The following ASTN2 variants were observed in gnomAD, a reference collection of about 807,000 sequenced individuals.
ASTN2 encodes the protein astrotactin-2.
In ASTN2, 54 loss-of-function variants were observed where a neutral mutation model predicts 139.8. The observed-to-expected ratio is 0.39, with a 90% CI of 0.31 to 0.48. The LOEUF (loss-of-function observed/expected upper bound fraction) is 0.48. Ranked by LOEUF, ASTN2 falls within the 20% of genes least tolerant of loss-of-function variation. The pLI, the probability that ASTN2 is intolerant of heterozygous loss-of-function variation, is 0.95. For synonymous variants in ASTN2, 756 were observed against 719.5 expected (o/e 1.05, Z -0.81); for missense variants, 1,565 against 1,725.1 (o/e 0.91, Z 1.64).
chr9:117,042,517 G>A (rs117444459), intron 5 of ASTN2, among the ~76,000 whole-genome samples: 2 of 152,054 alleles, frequency 1.3e-5, no homozygotes, highest in Admixed American at 6.5e-5. Flanking sequence ...ACATAAAAAG[G>A]TGATTCCAGT....
intron 19 of ASTN2, among the ~76,000 whole-genome samples, chr9:116,524,617 C>T (rs1462269430): frequency 6.6e-6 from 1 of 152,206 alleles, no homozygotes; most frequent in Non-Finnish European, 1.5e-5. Flanking sequence ...CATAAAAACT[C>T]GTACTCCCTT....
chr9:117,119,150 C>T (rs556577588), intron 4 of ASTN2, among the ~76,000 whole-genome samples: 20 of 152,202 alleles, frequency 1.3e-4, no homozygotes, highest in Non-Finnish European at 2.5e-4. Context: ...TAAAGCTAAA[C>T]AGTAGAAAGA....
At chr9:117,271,004 C>T (rs544301174) in intron 2 of ASTN2, among the ~76,000 whole-genome samples, 54 of 152,304 alleles carry the variant, frequency 3.5e-4, no homozygotes, top group African/African-American at 1.1e-3. Flanking sequence ...TGGACACTCA[C>T]GGCATTTTAT....
At chr9:117,298,702 ATGTGTG>A (rs60775898) in intron 1 of ASTN2, among the ~76,000 whole-genome samples, 49,773 of 135,826 alleles carry the variant, frequency 0.37, 10,231 homozygotes, top group East Asian at 0.54. Flanking sequence ...GTGCATATGT[ATGTGTG>A]TGTGTGTGTG....
intron 17 of ASTN2, among the ~76,000 whole-genome samples, chr9:116,633,858 G>A (rs1408518154): frequency 6.6e-6 from 1 of 152,174 alleles, no homozygotes; most frequent in Non-Finnish European, 1.5e-5. Flanking sequence ...CTTTGATAGG[G>A]AGCCTTTTAA....
chr9:116,803,806 G>A (rs1175816114), intron 13 of ASTN2, among the ~76,000 whole-genome samples: 1 of 151,216 alleles, frequency 6.6e-6, no homozygotes, highest in Non-Finnish European at 1.5e-5. Context: ...TTACAGGTGT[G>A]AGCCACCACA....
At chr9:117,215,031 A>T (rs1272439803) in intron 2 of ASTN2, among the ~76,000 whole-genome samples, 1 of 152,202 alleles carries the variant, frequency 6.6e-6, no homozygotes, top group Non-Finnish European at 1.5e-5. Context: ...CAAGGTTGCC[A>T]TAGGAAGCAA....
rs1554717058 is a variant in ASTN2, at chr9:117,298,675, T to TATATATATATATGTGC, written c.443-7163_443-7162insGCACATATATATATAT. On this transcript the variant is annotated intron_variant, in intron 1 of 22. Transcript: ENST00000313400. ...GTGTGTGTATATATATATGTGTATATATATATATATATATATGTGCATATG... is the reference window on the plus strand; with the variant it reads ...GTGTGTGTATATATATATGTGTATATATATATATATATGTGCATATATATATATATATGTGCATATG... Among the ~76,000 whole-genome samples the TATATATATATATGTGC allele has an allele frequency of 9.2e-5, 12 of 130,614 alleles. No homozygotes were observed. In the South Asian group the frequency reaches 2.9e-3, roughly 31 times the overall value. The allele number at this position is 130,614 out of a possible 152,430, so 85.7% of individuals were successfully genotyped here.
At chr9:116,974,965 A>C (rs781319717) in intron 10 of ASTN2, among the ~76,000 whole-genome samples, 2 of 152,220 alleles carry the variant, frequency 1.3e-5, no homozygotes, top group African/African-American at 2.4e-5. Context: ...GAGCTAGATA[A>C]TGCATCAGCC....
At chr9:117,109,142 C>G (rs1487669323) in intron 4 of ASTN2, among the ~76,000 whole-genome samples, 1 of 148,116 alleles carries the variant, frequency 6.8e-6, no homozygotes, top group African/African-American at 2.5e-5. Flanking sequence ...ATTAGCTGGG[C>G]GTGGAGATAC....
chr9:117,016,147 T>A (rs1014791567), intron 6 of ASTN2, among the ~76,000 whole-genome samples: 4 of 152,092 alleles, frequency 2.6e-5, no homozygotes, highest in Non-Finnish European at 1.5e-5. Flanking sequence ...GAATGTATGT[T>A]ATAATCAGAC....
At chr9:117,366,360 C>G (rs912066522) in intron 1 of ASTN2, among the ~76,000 whole-genome samples, 1 of 152,074 alleles carries the variant, frequency 6.6e-6, no homozygotes, top group Admixed American at 6.6e-5. Context: ...CTATTCTCTC[C>G]TTTGATGCTC....
chr9:117,016,455 G>T (rs1281276642), intron 6 of ASTN2, among the ~76,000 whole-genome samples: 1 of 150,304 alleles, frequency 6.7e-6, no homozygotes, highest in African/African-American at 2.5e-5. Flanking sequence ...CTGGGCTAGA[G>T]CCCAGTGGGA....
chr9:116,510,782 C>T (rs1222751970), intron 19 of ASTN2, among the ~76,000 whole-genome samples: 1 of 152,106 alleles, frequency 6.6e-6, no homozygotes, highest in Non-Finnish European at 1.5e-5. Context: ...TGGGAGTTCA[C>T]TCATGATTTG....
intron 16 of ASTN2, among the ~76,000 whole-genome samples, chr9:116,658,733 C>CTTTTTTTTTTTTTTTT (rs71502074): frequency 9.9e-6 from 1 of 101,130 alleles, no homozygotes; most frequent in Non-Finnish European, 1.9e-5. Flanking sequence ...GACCACCGCT[C>CTTTTTTTTTTTTTTTT]TTTTTTTTTT....
chr9:116,439,815 G>T (rs996544828), intron 22 of ASTN2, among the ~76,000 whole-genome samples: 8 of 152,172 alleles, frequency 5.3e-5, no homozygotes, highest in African/African-American at 1.9e-4. Flanking sequence ...TGTTCCCAAA[G>T]AGTTCTGTTC....
intron 4 of ASTN2, among the ~76,000 whole-genome samples, chr9:117,141,000 C>A (rs1409320284): frequency 2.0e-5 from 3 of 152,162 alleles, no homozygotes; most frequent in African/African-American, 7.2e-5. Flanking sequence ...CCACTTTGTA[C>A]TCTCTGACCG....
intron 2 of ASTN2, among the ~76,000 whole-genome samples, chr9:117,258,609 T>G (rs982714065): frequency 2.6e-5 from 4 of 152,164 alleles, no homozygotes; most frequent in Non-Finnish European, 5.9e-5. Flanking sequence ...AGGTCTGCTG[T>G]GTCTCCATCG....
chr9:117,212,377 G>T (rs889872183), intron 3 of ASTN2, among the ~76,000 whole-genome samples: 5 of 151,394 alleles, frequency 3.3e-5, no homozygotes, highest in Non-Finnish European at 5.9e-5. Context: ...GACCTTAAAA[G>T]CACAGGCAAA....
Sources: allele counts gnomAD v4.1 joint callset (sites outside exome capture counted in the v4.1 genomes callset), GRCh38; gene constraint gnomAD v4.1.1; transcripts MANE v1.5; gene names NCBI Gene and HGNC (gene_info 2026-07-23, HGNC 2026-07-21).